RBFOX1: variants seen among roughly 807,000 people sequenced by gnomAD.
RBFOX1 encodes RNA binding fox-1 homolog 1, also known as RNA binding protein fox-1 homolog 1.
RBFOX1 carries 8 observed loss-of-function variants against 57.7 expected under a neutral mutation model. The observed-to-expected ratio is 0.14, with a 90% CI of 0.08 to 0.25. RBFOX1 has a LOEUF of 0.25. RBFOX1 is among the 10% of genes least tolerant of loss of function. The pLI, the probability that RBFOX1 is intolerant of heterozygous loss-of-function variation, is 1.00. For missense variants in RBFOX1, 611 were observed against 548.5 expected, an observed-to-expected ratio of 1.11 and a Z score of -1.14; for synonymous variants, 326 against 222.4, an observed-to-expected ratio of 1.47 and a Z score of -4.15.
chr16:6,928,756 C>T (rs1040693585), intron 3 of RBFOX1, among the ~76,000 whole-genome samples: 1 of 152,082 alleles, frequency 6.6e-6, no homozygotes, highest in African/African-American at 2.4e-5. Flanking sequence ...GTGTGTGTTT[C>T]ATCATTTCAC....
chr16:6,368,085 T>A (rs904378943), intron 2 of RBFOX1, among the ~76,000 whole-genome samples: 1 of 152,214 alleles, frequency 6.6e-6, no homozygotes, highest in Non-Finnish European at 1.5e-5. Context: ...GTTGTTTCCG[T>A]CATTTTGTAC....
At chr16:7,354,375 T>A (rs1392756859) in intron 4 of RBFOX1, among the ~76,000 whole-genome samples, 1 of 152,176 alleles carries the variant, frequency 6.6e-6, no homozygotes, top group East Asian at 1.9e-4. Context: ...ATTACCTGTG[T>A]TTGTTGAAGG....
At chr16:6,098,853 G>T (rs576222981) in intron 1 of RBFOX1, among the ~76,000 whole-genome samples, 140 of 152,276 alleles carry the variant, frequency 9.2e-4, no homozygotes, top group East Asian at 5.8e-4. Context: ...GGAGCACTAA[G>T]TGTCCAACCC....
At chr16:6,586,657 C>G (rs1293971684) in intron 2 of RBFOX1, among the ~76,000 whole-genome samples, 1 of 152,132 alleles carries the variant, frequency 6.6e-6, no homozygotes, top group African/African-American at 2.4e-5. Flanking sequence ...AGGCTGTTCC[C>G]TTAAAGTGGC....
intron 2 of RBFOX1, among the ~76,000 whole-genome samples, chr16:6,640,742 C>T (rs1269867221): frequency 5.9e-5 from 9 of 151,952 alleles, no homozygotes; most frequent in Admixed American, 5.9e-4. Flanking sequence ...AAAAAAACTC[C>T]TTCTGAAGGA....
intron 3 of RBFOX1, among the ~76,000 whole-genome samples, chr16:5,808,974 G>A (rs1233795701): frequency 6.6e-6 from 1 of 152,150 alleles, no homozygotes; most frequent in Non-Finnish European, 1.5e-5. Context: ...GGAGTGGTGA[G>A]AGAGGGCATC....
rs535922383 is a variant in RBFOX1 at position 5,300,342 on chromosome 16, G to A, written c.219+60237G>A. On this transcript the variant is annotated intron_variant, in intron 1 of 2. Transcript: ENST00000585867. ...ACACAAGGGCATAAGAATGATACGA[G>A]GGATCTTGGGGACTCGGGAGAAAGG... Among the ~76,000 whole-genome samples, 3 of 152,248 alleles carry A rather than the reference G, an allele frequency of 2.0e-5. No homozygotes were observed. The South Asian group carries it at 6.2e-4, about 32-fold the overall frequency.
chr16:6,206,692 C>T (rs1481433456), intron 1 of RBFOX1, among the ~76,000 whole-genome samples: 2 of 152,108 alleles, frequency 1.3e-5, no homozygotes, highest in Non-Finnish European at 1.5e-5. Flanking sequence ...AAATGAGTCC[C>T]ATATACTCAT....
At chr16:5,410,783 C>T (rs1474554109) in intron 1 of RBFOX1, among the ~76,000 whole-genome samples, 3 of 152,032 alleles carry the variant, frequency 2.0e-5, no homozygotes, top group African/African-American at 4.8e-5. Flanking sequence ...TCCTTTCTGA[C>T]TTTAAAATTC....
At chr16:5,321,528 G>C (rs2064406780) in intron 1 of RBFOX1, among the ~76,000 whole-genome samples, 2 of 152,126 alleles carry the variant, frequency 1.3e-5, no homozygotes, top group African/African-American at 4.8e-5. Flanking sequence ...CACTGTGTTA[G>C]CCAGGATGGT....
intron 3 of RBFOX1, among the ~76,000 whole-genome samples, chr16:6,684,580 C>G (rs145250149): frequency 2.2e-4 from 33 of 152,270 alleles, no homozygotes; most frequent in African/African-American, 7.7e-4. Context: ...CCCCTCTGTC[C>G]TTGAAAAGGA....
chr16:6,884,058 C>T (rs186383761), intron 3 of RBFOX1, among the ~76,000 whole-genome samples: 131 of 152,296 alleles, frequency 8.6e-4, no homozygotes, highest in Admixed American at 1.5e-3. Flanking sequence ...TAAGCATCCA[C>T]TGCAGAGCGG....
intron 3 of RBFOX1, among the ~76,000 whole-genome samples, chr16:6,668,350 G>A (rs138051373): frequency 7.1e-4 from 108 of 152,326 alleles, no homozygotes; most frequent in African/African-American, 2.5e-3. Context: ...CACCTGCCAG[G>A]TATAGTTTAG....
At chr16:5,402,280 G>A (rs541716223) in intron 1 of RBFOX1, among the ~76,000 whole-genome samples, 6 of 152,248 alleles carry the variant, frequency 3.9e-5, no homozygotes, top group Admixed American at 6.5e-5. Flanking sequence ...TCTCCTCCTC[G>A]CCTCTATCAT....
chr16:6,930,021 T>C lies in RBFOX1; in HGVS notation c.-15-122036T>C, dbSNP rs541110639. 1.8e-4 allele frequency among the ~76,000 whole-genome samples: 28 copies of C among 152,236 alleles called. No individual in the cohort carries two copies. In the South Asian group the frequency reaches 4.1e-3, roughly 23 times the overall value. On this transcript the variant is annotated intron_variant, in intron 3 of 15. Transcript: ENST00000550418. Reference sequence around the variant, plus strand: ...GAAAAACAGAGCGAGATCTCTCTCTTCTCTCCACATCCTTGCTTATCCCCT... The same window carrying C: ...GAAAAACAGAGCGAGATCTCTCTCTCCTCTCCACATCCTTGCTTATCCCCT...
chr16:6,351,370 ATAT>A (rs1171023817), intron 2 of RBFOX1, among the ~76,000 whole-genome samples: 10 of 100,506 alleles, frequency 9.9e-5, no homozygotes, highest in African/African-American at 5.2e-4. Flanking sequence ...ATATATATAT[ATAT>A]TTTTTTTTTT....
intron 3 of RBFOX1, chr16:5,610,605 GGTTGAGGCAGGAGGTCA>G (rs1330914607): frequency 3.7e-4 from 57 of 152,180 alleles, no homozygotes; most frequent in African/African-American, 1.4e-3. Flanking sequence ...GCAGGAGGTC[GGTTGAGGCAGGAGGTCA>G]GTTCAGGCCA....
At chr16:6,055,903 G>A (rs1234778575) in intron 1 of RBFOX1, among the ~76,000 whole-genome samples, 1 of 152,148 alleles carries the variant, frequency 6.6e-6, no homozygotes, top group Non-Finnish European at 1.5e-5. Context: ...CTGGATGTTT[G>A]ATTTTACTAA....
At chr16:5,389,538 C>G (rs9925136) in intron 1 of RBFOX1, among the ~76,000 whole-genome samples, 2 of 151,824 alleles carry the variant, frequency 1.3e-5, no homozygotes, top group South Asian at 2.1e-4. Context: ...TTGACATACT[C>G]CTGTGTATGT....
Sources: gnomAD v4.1 joint callset for allele counts (sites outside exome capture counted in the v4.1 genomes callset) on GRCh38, gnomAD v4.1.1 for gene constraint, MANE v1.5 for transcripts, NCBI Gene and HGNC (gene_info 2026-07-23, HGNC 2026-07-21) for gene names.